The following A3GALT2 variants were observed in gnomAD, a reference collection of about 807,000 sequenced individuals.
The protein encoded by A3GALT2 is alpha 1,3-galactosyltransferase 2.
A3GALT2 carries 14 observed loss-of-function variants against 16.6 expected under a neutral mutation model. The observed-to-expected ratio is 0.84, with a 90% CI of 0.56 to 1.32. A3GALT2 has a LOEUF of 1.32. A3GALT2 is among the 40% of genes most tolerant of loss of function. A3GALT2 has a pLI of 0.00. For missense variants in A3GALT2, 600 were observed against 490.9 expected (o/e 1.22, Z -2.10); for synonymous variants, 253 against 218.0 (o/e 1.16, Z -1.42).
chr1:33,306,831 G>C lies in A3GALT2; in HGVS notation c.958C>G (p.Arg320Gly), dbSNP rs780979870. The C allele has an allele frequency of 9.1e-5, 136 of 1,495,006 alleles. No individual in the cohort carries two copies. The highest frequency in any genetic ancestry group is 1.7e-4 in the Middle Eastern group (1 of 5,810). The allele number at this position is 1,495,006 out of a possible 1,614,324, so 92.6% of individuals were successfully genotyped here. The part of the protein sequence containing the change: ...EFCWSPDIGP[R>G]AEIRRPRLLW... The stretch of plus-strand genomic sequence containing the variant: ...AGTCGCGGGCGGCGGATCTCGGCCC[G>C]CGGGCCGATGTCCGGGCTCCAGCAG... Residue 320 changes from arginine to glycine, a missense_variant, in exon 5 of 5, where the codon CGG becomes GGG. By Grantham distance (125) the Arg-to-Gly change is moderately radical (BLOSUM62 -2). Coordinates refer to ENST00000442999, the MANE Select transcript of A3GALT2 (RefSeq NM_001080438.1).
chr1:33,318,013 C>A (rs1473036026), intron 1 of A3GALT2, among the ~76,000 whole-genome samples: 1 of 152,144 alleles, frequency 6.6e-6, no homozygotes, highest in Non-Finnish European at 1.5e-5. Flanking sequence ...TTTATATGTA[C>A]TCTCTGGAAA....
intron 4 of A3GALT2, among the ~76,000 whole-genome samples, chr1:33,308,524 G>A (rs12058661): frequency 0.017 from 2,580 of 152,056 alleles, 68 homozygotes; most frequent in African/African-American, 0.058. Context: ...TCCTGCCTCA[G>A]GCTCCAAGTA....
rs534868958 is a variant in A3GALT2 at position 33,315,686 on chromosome 1, A to G, written c.24-2796T>C. ...TAGCTATGGGAATTGAAAGTGTTCA[A>G]TATTCATCCACTTTGATTCAATAAT... On this transcript the variant is annotated intron_variant, in intron 1 of 4. Coordinates refer to ENST00000442999, the MANE Select transcript of A3GALT2 (RefSeq NM_001080438.1). 2.4e-4 allele frequency among the ~76,000 whole-genome samples: 37 copies of G among 152,380 alleles called. 2 individuals carry two copies. The South Asian group carries it at 3.1e-3, about 13-fold the overall frequency.
intron 4 of A3GALT2, among the ~76,000 whole-genome samples, chr1:33,308,732 T>TTTTGTCA (rs1475372699): frequency 2.7e-5 from 4 of 148,876 alleles, no homozygotes; most frequent in Middle Eastern, 3.4e-3. Context: ...ATTATTATTT[T>TTTTGTCA]TTTGTCATGT....
intron 1 of A3GALT2, among the ~76,000 whole-genome samples, chr1:33,315,169 G>T (rs1646255843): frequency 6.6e-6 from 1 of 152,138 alleles, no homozygotes; most frequent in Non-Finnish European, 1.5e-5. Context: ...GGATCACAAG[G>T]TCAAGAGATC....
chr1:33,309,347 G>A (rs1311423101), intron 4 of A3GALT2, among the ~76,000 whole-genome samples: 81 of 149,120 alleles, frequency 5.4e-4, no homozygotes, highest in African/African-American at 2.0e-3. Context: ...GGGTGGCTGG[G>A]CAGAGGCGCC....
At position 33,308,756 on chromosome 1, in the gene A3GALT2, T is replaced by TG. The variant is rs1481901193; in HGVS notation, c.336-1304_336-1303insC. 3.8e-4 allele frequency among the ~76,000 whole-genome samples: 36 copies of TG among 95,362 alleles called. 1 individual carries two copies. Among genetic ancestry groups the TG allele is most frequent in the South Asian group, 1.8e-3 (6 of 3,352 alleles). 62.6% of individuals were successfully genotyped at this position (95,362 alleles called of 152,430 possible). ...TTTTTGTCATGTCAAAGTTGTTTTT[T>TG]TTTTTTTTTTTTTTTTTTTTTTTTA... is the stretch of plus-strand genomic sequence containing the variant. On this transcript the variant is annotated intron_variant, in intron 4 of 4. Coordinates refer to ENST00000442999, the MANE Select transcript of A3GALT2 (RefSeq NM_001080438.1).
At chr1:33,308,750 GTTTTTTTT>G (rs56655319) in intron 4 of A3GALT2, among the ~76,000 whole-genome samples, 112 of 46,112 alleles carry the variant, frequency 2.4e-3, no homozygotes, top group African/African-American at 4.4e-3. Flanking sequence ...TGTCAAAGTT[GTTTTTTTT>G]TTTTTTTTTT....
chr1:33,307,241 G>A lies in A3GALT2; in HGVS notation c.548C>T (p.Ala183Val). Residue 183 changes from alanine to valine, a missense_variant, in exon 5 of 5, where the codon GCG becomes GTG. By Grantham distance (64) the Ala-to-Val change is moderately conservative (BLOSUM62 0). Transcript: ENST00000442999. Reference protein sequence around the residue: ...SMARMRTLHAALGGLPGREAH... With the variant: ...SMARMRTLHAVLGGLPGREAH... ...CTCGCGGCCCGGCAGCCCGCCCAGCGCCGCGTGCAACGTGCGCATGCGCGC... is the reference window on the plus strand; with the variant it reads ...CTCGCGGCCCGGCAGCCCGCCCAGCACCGCGTGCAACGTGCGCATGCGCGC... 3 of 1,483,324 alleles carry A rather than the reference G, an allele frequency of 2.0e-6. No individual in the cohort carries two copies. The highest frequency in any genetic ancestry group is 8.9e-7 in the Non-Finnish European group (1 of 1,118,020). 91.9% of individuals were successfully genotyped at this position (1,483,324 alleles called of 1,614,324 possible). A position where few individuals can be genotyped will look rare whatever the true frequency, so the allele number is the denominator to read the frequency against.
At position 33,307,092 on chromosome 1, in the gene A3GALT2, G is replaced by C. The variant is rs1407947205; in HGVS notation, c.697C>G (p.Pro233Ala). The part of the protein sequence containing the change: ...WHYHWPSWLL[P>A]FERDAHSAAA... ...GCCGAATGCGCGTCGCGTTCGAAGG[G>C]CAGCAGCCACGACGGCCAGTGGTAG... is the stretch of plus-strand genomic sequence containing the variant. The change falls in exon 5 of 5, where the codon CCC becomes GCC. Residue 233 changes from proline to alanine, a missense_variant. By Grantham distance (27) the Pro-to-Ala change is conservative. Coordinates refer to ENST00000442999, the MANE Select transcript of A3GALT2 (RefSeq NM_001080438.1). 5 of 1,526,552 alleles carry C rather than the reference G, an allele frequency of 3.3e-6. No homozygotes were observed. The highest frequency in any genetic ancestry group is 4.4e-6 in the Non-Finnish European group (5 of 1,139,350). The allele number at this position is 1,526,552 out of a possible 1,614,324, so 94.6% of individuals were successfully genotyped here. A position where few individuals can be genotyped will look rare whatever the true frequency, so the allele number is the denominator to read the frequency against.
chr1:33,313,116 T>G (rs1428154847), intron 1 of A3GALT2, among the ~76,000 whole-genome samples: 2 of 147,488 alleles, frequency 1.4e-5, no homozygotes, highest in Non-Finnish European at 3.0e-5. Flanking sequence ...AAGGTGGGAC[T>G]GACCTTGGAC....
In A3GALT2 at chr1:33,312,249, G is replaced by A. The variant is rs1358304337; in HGVS notation, c.198-60C>T. The A allele has an allele frequency of 3.8e-6, 6 of 1,598,402 alleles. No individual in the cohort carries two copies. In the African/African-American group the frequency reaches 4.0e-5, roughly 11 times the overall value. On this transcript the variant is annotated intron_variant, in intron 3 of 4. Coordinates refer to ENST00000442999, the MANE Select transcript of A3GALT2 (RefSeq NM_001080438.1). ...CCATTCATCCACCCACTTGGTGCAT[G>A]TTCACTGCCACCTCCCCAGTGCTGA... is the stretch of plus-strand genomic sequence containing the variant.
At chr1:33,312,931 A>G in intron 1 of A3GALT2, 41 bp from the exon 2 acceptor site, 1 of 1,411,566 alleles carries the variant, frequency 7.1e-7, no homozygotes, top group East Asian at 2.4e-5. Flanking sequence ...ATTTATATGT[A>G]TAGACACAAA....
At chr1:33,316,033 A>G (rs995410515) in intron 1 of A3GALT2, among the ~76,000 whole-genome samples, 3 of 152,212 alleles carry the variant, frequency 2.0e-5, no homozygotes, top group Non-Finnish European at 2.9e-5. Context: ...ATCAGATGCT[A>G]TGAGGCAAAT....
chr1:33,312,358 G>T, intron 3 of A3GALT2, 143 bp downstream of exon 3: 1 of 1,276,940 alleles, frequency 7.8e-7, no homozygotes, highest in Non-Finnish European at 1.1e-6. Context: ...ACTGGGAGAT[G>T]TGTGGCCCGA....
chr1:33,309,445 C>A (rs1028390992), intron 4 of A3GALT2, among the ~76,000 whole-genome samples: 21 of 151,684 alleles, frequency 1.4e-4, no homozygotes, highest in Non-Finnish European at 1.6e-4. Flanking sequence ...CGGGGGCTGT[C>A]CCCCACGTCC....
intron 4 of A3GALT2, among the ~76,000 whole-genome samples, chr1:33,308,750 G>GTTTTTTTGTTTTT (rs1646216355): frequency 2.2e-5 from 1 of 46,128 alleles, no homozygotes; most frequent in African/African-American, 1.2e-4. Flanking sequence ...TGTCAAAGTT[G>GTTTTTTTGTTTTT]TTTTTTTTTT....
At position 33,313,175 on chromosome 1, in the gene A3GALT2, GTTTTTTTTTTTT is replaced by G. The variant is rs10662364; in HGVS notation, c.24-297_24-286del. The G allele has an allele frequency of 2.1e-4, 19 of 90,650 alleles. 1 individual carries two copies. The South Asian group carries it at 3.9e-3, about 19-fold the overall frequency. The allele number at this position is 90,650 out of a possible 1,614,324, so 5.6% of individuals were successfully genotyped here. ...CAAGTGTTTGTGGCTCAGTGACGGAGTTTTTTTTTTTTTTTTTTTTTTTTTTGAGACAGCCTC... is the reference window on the plus strand; with the variant it reads ...CAAGTGTTTGTGGCTCAGTGACGGAGTTTTTTTTTTTTTTGAGACAGCCTC... On this transcript the variant is annotated intron_variant, in intron 1 of 4. Transcript: ENST00000442999.
chr1:33,309,270 T>G (rs1236296871), intron 4 of A3GALT2, among the ~76,000 whole-genome samples: 2 of 152,254 alleles, frequency 1.3e-5, no homozygotes, highest in African/African-American at 4.8e-5. Context: ...CTGTTCTCAA[T>G]GAGCTGTTGG....
Sources: gnomAD v4.1 joint callset for allele counts (sites outside exome capture counted in the v4.1 genomes callset) on GRCh38, gnomAD v4.1.1 for gene constraint, MANE v1.5 for transcripts, NCBI Gene and HGNC (gene_info 2026-07-23, HGNC 2026-07-21) for gene names.